Variants in DLGAP2 observed in about 807,000 individuals in gnomAD.
DLGAP2 encodes disks large-associated protein 2.
DLGAP2 carries 26 observed loss-of-function variants against 100.3 expected under a neutral mutation model. The observed-to-expected ratio is 0.26, with a 90% CI of 0.19 to 0.36. The LOEUF is 0.36. Ranked by LOEUF, DLGAP2 falls within the 10% of genes least tolerant of loss-of-function variation. The pLI is 1.00. For missense variants in DLGAP2, 1,858 were observed against 1,453.2 expected (o/e 1.28, Z -4.53); for synonymous variants, 886 against 630.1 (o/e 1.41, Z -6.08).
At chr8:945,826 C>A (rs1012192626) in intron 2 of DLGAP2, among the ~76,000 whole-genome samples, 1 of 151,876 alleles carries the variant, frequency 6.6e-6, no homozygotes, top group Non-Finnish European at 1.5e-5. Flanking sequence ...CTGTCCATTT[C>A]CCCCTCTCTC....
chr8:988,658 C>A (rs762392773), intron 2 of DLGAP2, among the ~76,000 whole-genome samples: 1 of 152,114 alleles, frequency 6.6e-6, no homozygotes, highest in Admixed American at 6.5e-5. Flanking sequence ...TGCCTCCTGG[C>A]CGTGATTTGC....
intron 2 of DLGAP2, among the ~76,000 whole-genome samples, chr8:1,243,037 A>T: frequency 6.6e-6 from 1 of 152,186 alleles, no homozygotes; most frequent in East Asian, 1.9e-4. Flanking sequence ...TCCCTAGGCA[A>T]ACTTGCCAGC....
intron 1 of DLGAP2, among the ~76,000 whole-genome samples, chr8:854,082 T>C (rs1417844812): frequency 4.6e-5 from 7 of 152,202 alleles, no homozygotes; most frequent in Non-Finnish European, 8.8e-5. Flanking sequence ...GCCTGGTTGG[T>C]GGACTTCCAG....
intron 2 of DLGAP2, among the ~76,000 whole-genome samples, chr8:941,819 A>AT (rs35770034): frequency 0.042 from 6,237 of 149,764 alleles, 420 homozygotes; most frequent in African/African-American, 0.14. Context: ...CACAAAATAC[A>AT]TTTTTTTTTT....
intron 2 of DLGAP2, among the ~76,000 whole-genome samples, chr8:1,111,702 C>T (rs899444569): frequency 1.2e-4 from 19 of 152,118 alleles, no homozygotes; most frequent in Admixed American, 1.2e-3. Flanking sequence ...TAATGGCCTC[C>T]AGCTCCATCC....
intron 2 of DLGAP2, among the ~76,000 whole-genome samples, chr8:997,614 A>C (rs891863806): frequency 6.6e-6 from 1 of 152,234 alleles, no homozygotes; most frequent in Non-Finnish European, 1.5e-5. Context: ...TAAAACTAAT[A>C]AATTGACTTG....
chr8:1,292,451 T>A (rs1354809097), intron 3 of DLGAP2, among the ~76,000 whole-genome samples: 1 of 152,210 alleles, frequency 6.6e-6, no homozygotes, highest in Non-Finnish European at 1.5e-5. Flanking sequence ...AGCTCAGAAG[T>A]GTGTGTGATC....
chr8:786,339 C>G (rs758841650), intron 1 of DLGAP2, among the ~76,000 whole-genome samples: 19 of 152,152 alleles, frequency 1.2e-4, no homozygotes, highest in African/African-American at 1.7e-4. Flanking sequence ...TCCCACTTCT[C>G]GCGGCCGAGA....
chr8:1,444,771 CTTTTTT>C (rs914045708), intron 3 of DLGAP2, among the ~76,000 whole-genome samples: 1 of 79,852 alleles, frequency 1.3e-5, no homozygotes, highest in Non-Finnish European at 2.2e-5. Context: ...CCAGGTCATT[CTTTTTT>C]TTTTTTTTTT....
At chr8:1,456,050 A>C (rs1798301739) in intron 3 of DLGAP2, among the ~76,000 whole-genome samples, 1 of 152,114 alleles carries the variant, frequency 6.6e-6, no homozygotes, top group South Asian at 2.1e-4. Flanking sequence ...GATTCTGAGG[A>C]ATCTGTTGTT....
chr8:1,189,739 G>T (rs1368000662), intron 2 of DLGAP2, among the ~76,000 whole-genome samples: 2 of 152,174 alleles, frequency 1.3e-5, no homozygotes, highest in Admixed American at 1.3e-4. Context: ...TATCCAATAG[G>T]CATTTGTGTT....
intron 1 of DLGAP2, among the ~76,000 whole-genome samples, chr8:838,333 C>G (rs1312809317): frequency 8.5e-5 from 13 of 152,200 alleles, no homozygotes; most frequent in African/African-American, 3.1e-4. Flanking sequence ...ATCAGCTACT[C>G]CATTCACACA....
At chr8:1,236,209 C>CACAGAGCATCGTGTCTAGTTCTCTCAA (rs1798649408) in intron 2 of DLGAP2, among the ~76,000 whole-genome samples, 1 of 108,848 alleles carries the variant, frequency 9.2e-6, no homozygotes, top group Non-Finnish European at 1.8e-5. Context: ...AGTTCTCTCA[C>CACAGAGCATCGTGTCTAGTTCTCTCAA]ATGGCGCCGT....
At chr8:1,295,300 T>C (rs758403812) in intron 3 of DLGAP2, among the ~76,000 whole-genome samples, 4 of 152,202 alleles carry the variant, frequency 2.6e-5, no homozygotes, top group African/African-American at 9.7e-5. Context: ...CATTTGCATA[T>C]TGAAGATGAC....
intron 2 of DLGAP2, among the ~76,000 whole-genome samples, chr8:1,253,260 C>T (rs541730696): frequency 6.6e-6 from 1 of 152,206 alleles, no homozygotes; most frequent in African/African-American, 2.4e-5. Context: ...GCTGCAGCCG[C>T]TGGGTGGTTC....
Position 1,424,595 on chromosome 8 carries a change from C to G in DLGAP2, c.107-76771C>G, listed in dbSNP as rs1463772333. On this transcript the variant is annotated intron_variant, in intron 3 of 14. Transcript: ENST00000637795. ...AAAGGACAAGGACGGTGTGATTACC[C>G]TAACATGTGGCACTTGGAGGAGTCA... Among the ~76,000 whole-genome samples, 19 of 152,156 alleles carry G rather than the reference C, an allele frequency of 1.2e-4. 1 individual carries two copies. Among genetic ancestry groups the G allele is most frequent in the Admixed American group, 1.2e-3 (19 of 15,272 alleles).
intron 3 of DLGAP2, among the ~76,000 whole-genome samples, chr8:1,439,717 C>T (rs1391777932): frequency 6.6e-6 from 1 of 152,152 alleles, no homozygotes; most frequent in Admixed American, 6.5e-5. Flanking sequence ...TCCCGCCATC[C>T]CCTAGGCTGC....
chr8:1,231,757 G>T (rs1798540515), intron 2 of DLGAP2, among the ~76,000 whole-genome samples: 1 of 152,032 alleles, frequency 6.6e-6, no homozygotes, highest in East Asian at 1.9e-4. Flanking sequence ...GTTCTCATTT[G>T]GAAGTATGGA....
intron 1 of DLGAP2, among the ~76,000 whole-genome samples, chr8:749,900 G>T (rs1325264675): frequency 6.6e-6 from 1 of 152,168 alleles, no homozygotes; most frequent in Non-Finnish European, 1.5e-5. Context: ...CAGGCATCCT[G>T]GCTTGTGGCC....
Sources: gnomAD v4.1 joint callset for allele counts (sites outside exome capture counted in the v4.1 genomes callset) on GRCh38, gnomAD v4.1.1 for gene constraint, MANE v1.5 for transcripts, NCBI Gene and HGNC (gene_info 2026-07-23, HGNC 2026-07-21) for gene names.